The following PPP1R2 variants were observed in gnomAD, a reference collection of about 807,000 sequenced individuals.
PPP1R2 encodes protein phosphatase inhibitor 2.
A neutral mutation model predicts 29.9 loss-of-function variants in PPP1R2; 16 were observed. That is an observed-to-expected ratio of 0.53 (90% CI 0.36 to 0.81). The LOEUF (loss-of-function observed/expected upper bound fraction) is 0.81, where lower values mean the gene tolerates loss of function less well. Among genes scored for constraint, PPP1R2 ranks in the 30% least tolerant of loss-of-function variants. PPP1R2 has a pLI of 0.00. For missense variants in PPP1R2, 197 were observed against 252.7 expected, an observed-to-expected ratio of 0.78 and a Z score of 1.49; for synonymous variants, 76 against 91.5, an observed-to-expected ratio of 0.83 and a Z score of 0.96.
chr3:195,522,285 A>G (rs762905773), intron 4 of PPP1R2, among the ~76,000 whole-genome samples: 34 of 152,242 alleles, frequency 2.2e-4, no homozygotes, highest in Non-Finnish European at 1.3e-4. Context: ...TTAGACAATA[A>G]TCTTAATTGT....
At chr3:195,525,083 C>T (rs1006220884) in intron 2 of PPP1R2, among the ~76,000 whole-genome samples, 187 bp from the exon 3 acceptor site, 1 of 152,036 alleles carries the variant, frequency 6.6e-6, no homozygotes, top group Non-Finnish European at 1.5e-5. Flanking sequence ...AGCACCCAAT[C>T]AAGAAAAGAC....
intron 1 of PPP1R2, among the ~76,000 whole-genome samples, chr3:195,530,362 A>G (rs1719132038): frequency 6.6e-6 from 1 of 152,224 alleles, no homozygotes; most frequent in Non-Finnish European, 1.5e-5. Context: ...TTCAAACAAT[A>G]AAACTATAGA....
intron 1 of PPP1R2, among the ~76,000 whole-genome samples, chr3:195,533,168 G>T (rs915849272): frequency 6.6e-6 from 1 of 152,006 alleles, no homozygotes; most frequent in Admixed American, 6.6e-5. Flanking sequence ...CCAACATGGT[G>T]AAACCCCGTC....
intron 1 of PPP1R2, among the ~76,000 whole-genome samples, chr3:195,537,442 G>A (rs190045442): frequency 8.2e-4 from 115 of 140,824 alleles, no homozygotes; most frequent in African/African-American, 2.9e-3. Flanking sequence ...TGTTTGTAAC[G>A]TCCCCAGTAA....
At chr3:195,541,874 T>C (rs1719612564) in intron 1 of PPP1R2, among the ~76,000 whole-genome samples, 1 of 152,128 alleles carries the variant, frequency 6.6e-6, no homozygotes, top group African/African-American at 2.4e-5. Flanking sequence ...GTAACACAAA[T>C]CCCTAAAATT....
intron 4 of PPP1R2, among the ~76,000 whole-genome samples, chr3:195,522,001 C>G (rs964504135): frequency 1.4e-4 from 21 of 152,052 alleles, no homozygotes; most frequent in African/African-American, 4.8e-4. Flanking sequence ...TTAAGGCAGA[C>G]TATTTATATG....
At chr3:195,536,258 A>C (rs1169572309) in intron 1 of PPP1R2, among the ~76,000 whole-genome samples, 1 of 142,672 alleles carries the variant, frequency 7.0e-6, no homozygotes, top group Non-Finnish European at 1.5e-5. Context: ...CAGGAGTTTG[A>C]GATCAACCTG....
At position 195,543,181 on chromosome 3, in the gene PPP1R2, G is replaced by T; in HGVS notation, c.-156C>A. 1 of 1,071,694 alleles carries T rather than the reference G, an allele frequency of 9.3e-7. No individual in the cohort carries two copies. The highest frequency in any genetic ancestry group is 1.3e-6 in the Non-Finnish European group (1 of 780,818). 66.4% of individuals were successfully genotyped at this position (1,071,694 alleles called of 1,614,324 possible). ...CTCGGAAACGGCTACCGCAGCGGTT[G>T]TCACGACACAACGACCCCGACGCCA... On this transcript the variant is annotated 5_prime_UTR_variant, in exon 1 of 6. Transcript: ENST00000618156.
intron 1 of PPP1R2, among the ~76,000 whole-genome samples, chr3:195,539,261 G>A (rs1329932875): frequency 1.3e-5 from 2 of 152,234 alleles, no homozygotes; most frequent in East Asian, 1.9e-4. Context: ...AGTCCACAAT[G>A]ATCGAAGATG....
intron 1 of PPP1R2, among the ~76,000 whole-genome samples, chr3:195,531,746 T>C (rs1195108971): frequency 6.6e-6 from 1 of 152,252 alleles, no homozygotes; most frequent in East Asian, 1.9e-4. Flanking sequence ...TTACGAAGTG[T>C]ACAATTCTAT....
At chr3:195,534,756 C>T (rs866832750) in intron 1 of PPP1R2, among the ~76,000 whole-genome samples, 16 of 152,158 alleles carry the variant, frequency 1.1e-4, no homozygotes, top group Admixed American at 3.9e-4. Flanking sequence ...TGCAGTGGCA[C>T]AATCATAGCT....
intron 5 of PPP1R2, 73 bp from the exon 6 acceptor site, chr3:195,517,015 A>G: frequency 8.6e-7 from 1 of 1,163,700 alleles, no homozygotes; most frequent in Non-Finnish European, 1.3e-6. Flanking sequence ...CCCTTCTATT[A>G]GCATGCATGA....
intron 1 of PPP1R2, among the ~76,000 whole-genome samples, chr3:195,540,321 T>C (rs546005442): frequency 6.6e-6 from 1 of 152,310 alleles, no homozygotes; most frequent in South Asian, 2.1e-4. Flanking sequence ...TCGTGGCCTA[T>C]TTAGGGTCCT....
intron 2 of PPP1R2, 27 bp downstream of exon 2, chr3:195,529,767 A>T (rs1258964949): frequency 6.9e-7 from 1 of 1,457,188 alleles, no homozygotes; most frequent in African/African-American, 1.4e-5. Context: ...GTAAGTCACA[A>T]GAGGAATGAC....
chr3:195,521,755 A>G (rs1718771517), intron 4 of PPP1R2, among the ~76,000 whole-genome samples: 1 of 152,118 alleles, frequency 6.6e-6, no homozygotes, highest in South Asian at 2.1e-4. Flanking sequence ...GGTTCAAGCA[A>G]TTCTTGTGCC....
At chr3:195,542,265 A>C (rs1719625310) in intron 1 of PPP1R2, among the ~76,000 whole-genome samples, 1 of 152,204 alleles carries the variant, frequency 6.6e-6, no homozygotes, top group African/African-American at 2.4e-5. Context: ...TAAATATTAC[A>C]TACAATGCTC....
chr3:195,535,885 A>G (rs886989783), intron 1 of PPP1R2, among the ~76,000 whole-genome samples: 2 of 152,192 alleles, frequency 1.3e-5, no homozygotes, highest in African/African-American at 2.4e-5. Context: ...GTATTTTTGT[A>G]AAGTTACACC....
At chr3:195,542,559 G>A (rs1415484909) in intron 1 of PPP1R2, among the ~76,000 whole-genome samples, 1 of 152,184 alleles carries the variant, frequency 6.6e-6, no homozygotes, top group Admixed American at 6.5e-5. Flanking sequence ...AATTATCGAA[G>A]AATTTTAGAT....
At chr3:195,526,509 T>C (rs984302396) in intron 2 of PPP1R2, among the ~76,000 whole-genome samples, 1 of 152,232 alleles carries the variant, frequency 6.6e-6, no homozygotes, top group African/African-American at 2.4e-5. Context: ...TAGCCTCAAT[T>C]ACTTAGGGAC....
Sources: gnomAD v4.1 joint callset for allele counts (sites outside exome capture counted in the v4.1 genomes callset) on GRCh38, gnomAD v4.1.1 for gene constraint, MANE v1.5 for transcripts, NCBI Gene and HGNC (gene_info 2026-07-23, HGNC 2026-07-21) for gene names.